The following SLC39A11 variants were observed in gnomAD, a reference collection of about 807,000 sequenced individuals.
SLC39A11 encodes zinc transporter ZIP11.
In SLC39A11, 33 loss-of-function variants were observed where a neutral mutation model predicts 36.1. That is an observed-to-expected ratio of 0.91 (90% CI 0.69 to 1.22). The LOEUF is 1.22. Among genes scored for constraint, SLC39A11 ranks in the 50% most tolerant of loss-of-function variants. SLC39A11 has a pLI of 0.00. For synonymous variants in SLC39A11, 166 were observed against 170.3 expected (o/e 0.97, Z 0.20); for missense variants, 432 against 430.3 (o/e 1.00, Z -0.03).
chr17:73,084,952 G>T, intron 2 of SLC39A11, 106 bp from the exon 3 acceptor site: 1 of 1,153,740 alleles, frequency 8.7e-7, no homozygotes, highest in South Asian at 1.2e-5. Context: ...AATAAAGACT[G>T]GCCGACTCCT....
At chr17:73,037,683 C>A (rs147233222) in intron 3 of SLC39A11, among the ~76,000 whole-genome samples, 1 of 152,370 alleles carries the variant, frequency 6.6e-6, no homozygotes, top group African/African-American at 2.4e-5. Context: ...CTTTTCCTCA[C>A]CTTTGTCTAT....
chr17:72,843,019 G>T (rs577547089), intron 6 of SLC39A11, among the ~76,000 whole-genome samples: 6 of 151,992 alleles, frequency 3.9e-5, no homozygotes, highest in Non-Finnish European at 8.8e-5. Context: ...GTGCGATCTC[G>T]GCTCACTGCA....
At chr17:72,679,062 T>C (rs1189928148) in intron 7 of SLC39A11, among the ~76,000 whole-genome samples, 1 of 152,072 alleles carries the variant, frequency 6.6e-6, no homozygotes, top group African/African-American at 2.4e-5. Context: ...AGGTGGGAGC[T>C]ACAAAAGTTG....
At chr17:72,900,088 G>A in intron 5 of SLC39A11, among the ~76,000 whole-genome samples, 3 of 109,116 alleles carry the variant, frequency 2.7e-5, no homozygotes, top group African/African-American at 1.3e-4. Context: ...GAGAGAAAGA[G>A]AAAGAGAAAA....
intron 4 of SLC39A11, among the ~76,000 whole-genome samples, chr17:72,958,919 T>C (rs532788024): frequency 9.0e-4 from 133 of 148,332 alleles, no homozygotes; most frequent in Middle Eastern, 3.6e-3. Flanking sequence ...GAAAAAATGC[T>C]CAACATCACC....
At position 72,809,199 on chromosome 17, in the gene SLC39A11, TTCTCTCTCTC is replaced by T. The variant is rs66472539; in HGVS notation, c.601+40425_601+40434del. On this transcript the variant is annotated intron_variant, in intron 6 of 9. Coordinates refer to ENST00000255559, the MANE Select transcript of SLC39A11 (RefSeq NM_139177.4). ...GCTTAGATCATCTTCTTTCTTTTCT[TTCTCTCTCTC>T]TCTCTCTCTCTCTCTCTCTTTCTTT... 3.2e-4 allele frequency among the ~76,000 whole-genome samples: 33 copies of T among 102,328 alleles called. No homozygotes were observed. The South Asian group carries it at 9.6e-3, about 30-fold the overall frequency. The allele number at this position is 102,328 out of a possible 152,430, so 67.1% of individuals were successfully genotyped here. A position where few individuals can be genotyped will look rare whatever the true frequency, so the allele number is the denominator to read the frequency against.
chr17:73,080,989 AT>A (rs955821066), intron 3 of SLC39A11, among the ~76,000 whole-genome samples: 1 of 151,272 alleles, frequency 6.6e-6, no homozygotes, highest in African/African-American at 2.4e-5. Flanking sequence ...TAAATAAATA[AT>A]AAAAAGCTTC....
In SLC39A11 at chr17:72,819,669, C is replaced by T. The variant is rs2077700547; in HGVS notation, c.601+29965G>A. ...AAACAGCCTATGACAATAACAATCA[C>T]ATGAACAATTCAACAGTACACTGAA... On this transcript the variant is annotated intron_variant, in intron 6 of 9. Coordinates refer to ENST00000255559, the MANE Select transcript of SLC39A11 (RefSeq NM_139177.4). Among the ~76,000 whole-genome samples the T allele has an allele frequency of 1.3e-5, 2 of 151,252 alleles. 1 individual carries two copies. The highest frequency in any genetic ancestry group is 3.0e-5 in the Non-Finnish European group (2 of 67,468).
In SLC39A11 at chr17:72,784,738, C is replaced by T. The variant is rs1280370613; in HGVS notation, c.602-48019G>A. 3.3e-5 allele frequency among the ~76,000 whole-genome samples: 5 copies of T among 152,170 alleles called. No homozygotes were observed. In the East Asian group the frequency reaches 7.7e-4, roughly 24 times the overall value. On this transcript the variant is annotated intron_variant, in intron 6 of 9. Transcript: ENST00000255559. ...TTGCCATGTGATATGCCTGCTCCCC[C>T]TTCACCTTCTGCCATGATTATAAGC...
chr17:72,855,224 T>C (rs142659683), intron 5 of SLC39A11, among the ~76,000 whole-genome samples: 46 of 152,326 alleles, frequency 3.0e-4, no homozygotes, highest in African/African-American at 1.1e-3. Context: ...TCTTGCTAGA[T>C]AAATGCCAAG....
At chr17:73,052,082 A>G (rs914211282) in intron 3 of SLC39A11, among the ~76,000 whole-genome samples, 11 of 151,930 alleles carry the variant, frequency 7.2e-5, no homozygotes, top group African/African-American at 2.7e-4. Flanking sequence ...CTAGGCACTC[A>G]ACATGTTGGC....
intron 3 of SLC39A11, among the ~76,000 whole-genome samples, chr17:73,067,530 TTTG>T (rs1247021720): frequency 6.6e-6 from 1 of 152,186 alleles, no homozygotes; most frequent in Non-Finnish European, 1.5e-5. Context: ...TTTCTTGTTT[TTTG>T]TTTTTTCTTT....
At chr17:73,021,446 T>A (rs2058350363) in intron 4 of SLC39A11, among the ~76,000 whole-genome samples, 1 of 152,060 alleles carries the variant, frequency 6.6e-6, no homozygotes, top group South Asian at 2.1e-4. Context: ...TTCAAGCAAT[T>A]CTTGTGCCTC....
At chr17:73,037,455 G>A (rs996290878) in intron 3 of SLC39A11, among the ~76,000 whole-genome samples, 2 of 152,238 alleles carry the variant, frequency 1.3e-5, no homozygotes, top group African/African-American at 4.8e-5. Flanking sequence ...AAGAAGCAGG[G>A]CCTGGAACGG....
At chr17:72,912,868 C>A (rs184773603) in intron 5 of SLC39A11, among the ~76,000 whole-genome samples, 23 of 152,290 alleles carry the variant, frequency 1.5e-4, no homozygotes, top group African/African-American at 5.3e-4. Flanking sequence ...CTTCTTTGAC[C>A]TTCTCCCCAT....
intron 7 of SLC39A11, among the ~76,000 whole-genome samples, chr17:72,653,476 A>T (rs1397799203): frequency 2.1e-5 from 3 of 140,140 alleles, no homozygotes; most frequent in Non-Finnish European, 4.5e-5. Context: ...TCGCTCTGTC[A>T]CCCAGGCTGA....
chr17:72,740,722 G>A (rs1482795119), intron 6 of SLC39A11, among the ~76,000 whole-genome samples: 1 of 152,148 alleles, frequency 6.6e-6, no homozygotes, highest in East Asian at 1.9e-4. Context: ...TCACTGCAGA[G>A]ATGAACTGCT....
At chr17:73,058,445 G>A (rs946943844) in intron 3 of SLC39A11, among the ~76,000 whole-genome samples, 7 of 152,112 alleles carry the variant, frequency 4.6e-5, no homozygotes, top group Admixed American at 1.3e-4. Flanking sequence ...AATCTTGGCC[G>A]GGTGCAGTGG....
At chr17:72,724,817 T>A (rs57514426) in intron 7 of SLC39A11, among the ~76,000 whole-genome samples, 27,595 of 145,308 alleles carry the variant, frequency 0.19, 2,821 homozygotes, top group African/African-American at 0.28. Flanking sequence ...AAAAAAAAAA[T>A]ACTTAAGAGG....
Sources: gnomAD v4.1 joint callset for allele counts (sites outside exome capture counted in the v4.1 genomes callset) on GRCh38, gnomAD v4.1.1 for gene constraint, MANE v1.5 for transcripts, NCBI Gene and HGNC (gene_info 2026-07-23, HGNC 2026-07-21) for gene names.